The following KCNK4 variants were observed in gnomAD, a reference collection of about 807,000 sequenced individuals.
KCNK4 encodes the protein potassium two pore domain channel subfamily K member 4, also known as potassium channel subfamily K member 4.
KCNK4 carries 22 observed loss-of-function variants against 28.8 expected under a neutral mutation model. That is an observed-to-expected ratio of 0.76 (90% confidence interval 0.55 to 1.09). The LOEUF is 1.09. Ranked by LOEUF, KCNK4 falls within the 50% of genes least tolerant of loss-of-function variation. KCNK4 has a pLI of 0.00. For synonymous variants in KCNK4, 263 were observed against 252.9 expected, an observed-to-expected ratio of 1.04 and a Z score of -0.38; for missense variants, 483 against 546.3, an observed-to-expected ratio of 0.88 and a Z score of 1.15.
intron 6 of KCNK4, 44 bp from the exon 7 acceptor site, chr11:64,299,302 G>T: frequency 2.8e-6 from 4 of 1,435,232 alleles, no homozygotes; most frequent in South Asian, 3.0e-5. Flanking sequence ...GTCGCGGAGG[G>T]GGTCTAGACC....
intron 2 of KCNK4, among the ~76,000 whole-genome samples, chr11:64,293,686 C>T (rs7951858): frequency 0.085 from 12,856 of 152,028 alleles, 1,558 homozygotes; most frequent in African/African-American, 0.26. Context: ...CAGCAACCTC[C>T]GCCTCCCAGA....
At chr11:64,292,916 C>T (rs1337213301) in intron 1 of KCNK4, 26 bp from the exon 2 acceptor site, 16 of 1,444,602 alleles carry the variant, frequency 1.1e-5, no homozygotes, top group Non-Finnish European at 1.4e-5. Context: ...GCTCAGTGAC[C>T]CCAGCATCCC....
chr11:64,297,643 CTA>C lies in KCNK4; in HGVS notation c.653_654del (p.Tyr218CysfsTer209), dbSNP rs747670659. On this transcript the variant is annotated frameshift_variant, in exon 5 of 7. Transcript: ENST00000422670. LOFTEE classifies it high-confidence loss of function. ...VTLTTVGFGD[Y>X]VAGADPRQDS... is the part of the protein sequence containing the mutation. ...CGCTTACCACCGTGGGCTTTGGCGA[CTA>C]TGTGGCCGGTGAGGCCGCCCTTCTT... is the stretch of plus-strand genomic sequence containing the variant. 1.9e-6 allele frequency: 3 copies of C among 1,609,318 alleles called. No homozygotes were observed. Among genetic ancestry groups the C allele is most frequent in the East Asian group, 2.2e-5 (1 of 44,730 alleles).
chr11:64,297,242 T>C lies in KCNK4; in HGVS notation c.437T>C (p.Leu146Pro), dbSNP rs764383329. The C allele has an allele frequency of 1.5e-5, 24 of 1,613,704 alleles. No individual in the cohort carries two copies. The African/African-American group carries it at 3.1e-4, about 21-fold the overall frequency. Residue 146 changes from leucine (L) to proline (P), a missense_variant, in exon 4 of 7, where the codon CTG becomes CCG. By Grantham distance (98) the Leu-to-Pro change is moderately conservative. Coordinates refer to ENST00000422670, the MANE Select transcript of KCNK4 (RefSeq NM_033310.3). ...AGVGDRLGSS[L>P]RHGIGHIEAI... ...GTCGGGGACCGGCTGGGCTCCTCCC[T>C]GCGCCATGGCATCGGTCACATTGAA... is the stretch of plus-strand genomic sequence containing the variant.
At chr11:64,294,812 G>T (rs539061418) in intron 2 of KCNK4, among the ~76,000 whole-genome samples, 1 of 147,472 alleles carries the variant, frequency 6.8e-6, no homozygotes, top group East Asian at 2.1e-4. Context: ...CAGACCACCC[G>T]ACAGCATCTC....
At position 64,299,998 on chromosome 11, in the gene KCNK4, CG is replaced by C. The variant is rs2034890710; in HGVS notation, c.*274del. 7 of 632,586 alleles carry C rather than the reference CG, an allele frequency of 1.1e-5. No individual in the cohort carries two copies. The highest frequency in any genetic ancestry group is 1.9e-5 in the Non-Finnish European group (7 of 366,992). 39.2% of individuals were successfully genotyped at this position (632,586 alleles called of 1,614,324 possible). On this transcript the variant is annotated 3_prime_UTR_variant, in exon 7 of 7. Coordinates refer to ENST00000422670, the MANE Select transcript of KCNK4 (RefSeq NM_033310.3). ...CAAAGCCTGCATCAATAAATGAAAA[CG>C]GTCTGCACCGCTGCGGGCGTGACGC...
rs746769947 is a variant in KCNK4 at position 64,298,210 on chromosome 11, G to A, written c.762G>A (p.Gly254=). 3 of 1,613,348 alleles carry A rather than the reference G, an allele frequency of 1.9e-6. No individual in the cohort carries two copies. Among genetic ancestry groups the A allele is most frequent in the Admixed American group, 1.7e-5 (1 of 60,018 alleles). Residue 254 remains glycine, a synonymous_variant, in exon 6 of 7, where the codon GGG becomes GGA. Transcript: ENST00000422670. ...TCGCCTCAGTGCTCACCACCATCGG[G>A]AACTGGCTGCGAGTAGTGTCCCGCC... is the stretch of plus-strand genomic sequence containing the variant. The part of the protein sequence containing the change: ...AYFASVLTTI[G]NWLRVVSRRT...
At chr11:64,292,518 C>T (rs954551947) in intron 1 of KCNK4, 5 of 152,614 alleles carry the variant, frequency 3.3e-5, no homozygotes, top group African/African-American at 1.2e-4. Context: ...ATTCCCCTGT[C>T]CCCGCCTTGC....
chr11:64,294,257 C>T (rs2034712049), intron 2 of KCNK4, among the ~76,000 whole-genome samples: 1 of 152,044 alleles, frequency 6.6e-6, no homozygotes, highest in African/African-American at 2.4e-5. Flanking sequence ...GTGGCTTATG[C>T]CTGTAATCCT....
intron 1 of KCNK4, 53 bp from the exon 2 acceptor site, chr11:64,292,889 G>C (rs1017925278): frequency 2.0e-5 from 29 of 1,427,590 alleles, no homozygotes; most frequent in Non-Finnish European, 2.5e-5. Context: ...GAGGAGGAGG[G>C]TGTGGGTGTC....
intron 1 of KCNK4, chr11:64,291,977 C>A (rs940539614): frequency 1.8e-6 from 2 of 1,098,778 alleles, no homozygotes; most frequent in Admixed American, 3.6e-5. Context: ...GAGCGAGCTG[C>A]GGGCGCTGCG....
chr11:64,293,837 G>A (rs987020660), intron 2 of KCNK4, among the ~76,000 whole-genome samples: 2 of 152,106 alleles, frequency 1.3e-5, no homozygotes, highest in Admixed American at 6.5e-5. Context: ...CTGACCTCAA[G>A]TGATCCACCC....
chr11:64,292,091 C>T, intron 1 of KCNK4: 1 of 1,090,960 alleles, frequency 9.2e-7, no homozygotes, highest in Non-Finnish European at 1.1e-6. Flanking sequence ...CCGGGGATGC[C>T]GGGGCGTCTG....
At chr11:64,297,779 A>G (rs1241335983) in intron 5 of KCNK4, 126 bp downstream of exon 5, 1 of 976,432 alleles carries the variant, frequency 1.0e-6, no homozygotes, top group Non-Finnish European at 1.5e-6. Flanking sequence ...CATGGAATGC[A>G]CCATCACAGC....
chr11:64,294,535 A>AT (rs1555076002), intron 2 of KCNK4, among the ~76,000 whole-genome samples: 1 of 151,414 alleles, frequency 6.6e-6, no homozygotes, highest in Non-Finnish European at 1.5e-5. Flanking sequence ...AAAAAAAAAA[A>AT]AGAAAGTGTT....
At position 64,299,538 on chromosome 11, in the gene KCNK4, C is replaced by T. The variant is rs1273161829; in HGVS notation, c.994C>T (p.Pro332Ser). The change falls in exon 7 of 7, where the codon CCC becomes TCC. Residue 332 changes from proline (P) to serine (S), a missense_variant. Pro to Ser is a moderately conservative substitution (Grantham distance 74). Coordinates refer to ENST00000422670, the MANE Select transcript of KCNK4 (RefSeq NM_033310.3). ...CGAGAAGGCTCAGCCGCCTTCCCCG[C>T]CCACGGCCTCGGCCCTGGATTATCC... The part of the protein sequence containing the change: ...PPEKAQPPSP[P>S]TASALDYPSE... The T allele has an allele frequency of 1.2e-6, 2 of 1,609,954 alleles. No individual in the cohort carries two copies. The highest frequency in any genetic ancestry group is 2.7e-5 in the African/African-American group (2 of 74,366).
rs527342747 is a variant in KCNK4, at chr11:64,297,829, T to C, written c.661+176T>C. Among the ~76,000 whole-genome samples, 6 of 152,340 alleles carry C rather than the reference T, an allele frequency of 3.9e-5. No homozygotes were observed. The East Asian group carries it at 1.2e-3, about 29-fold the overall frequency. On this transcript the variant is annotated intron_variant, in intron 5 of 6. Coordinates refer to ENST00000422670, the MANE Select transcript of KCNK4 (RefSeq NM_033310.3). ...AGCGCCTTATGCACACTCACATTCT[T>C]ATATGCTTGAGTCCCATGCATGCTC...
At chr11:64,292,806 T>G (rs1591224081) in intron 1 of KCNK4, 136 bp from the exon 2 acceptor site, 1 of 929,238 alleles carries the variant, frequency 1.1e-6, no homozygotes. Context: ...GGGGACTGGG[T>G]GTGTCCAGCC....
rs570855718 is a variant in KCNK4, at chr11:64,298,234, C to T, written c.786C>T (p.Arg262=). 9 of 1,612,750 alleles carry T rather than the reference C, an allele frequency of 5.6e-6. No homozygotes were observed. In the South Asian group the frequency reaches 6.6e-5, roughly 12 times the overall value. Residue 262 remains arginine, a synonymous_variant, in exon 6 of 7, where the codon CGC becomes CGT. Coordinates refer to ENST00000422670, the MANE Select transcript of KCNK4 (RefSeq NM_033310.3). ...GGAACTGGCTGCGAGTAGTGTCCCG[C>T]CGCACTCGGGCAGAGGTAGGCGCCC... The part of the protein sequence containing the change: ...TIGNWLRVVS[R]RTRAEMGGLT...
Sources: allele counts gnomAD v4.1 joint callset (sites outside exome capture counted in the v4.1 genomes callset), GRCh38; gene constraint gnomAD v4.1.1; transcripts MANE v1.5; gene names NCBI Gene and HGNC (gene_info 2026-07-23, HGNC 2026-07-21).